The following CAP2 variants were observed in gnomAD, a reference collection of about 807,000 sequenced individuals.
The protein encoded by CAP2 is cyclase associated actin cytoskeleton regulatory protein 2.
Under a neutral mutation model 57.7 loss-of-function variants are expected in CAP2, and 24 were observed. The ratio of observed to expected loss-of-function variants is 0.42; its 90% confidence interval spans 0.30 to 0.58. The LOEUF is 0.58. CAP2 is among the 20% of genes least tolerant of loss of function. The pLI is 0.22. For synonymous variants in CAP2, 194 were observed against 207.2 expected, an observed-to-expected ratio of 0.94 and a Z score of 0.55; for missense variants, 501 against 590.3, an observed-to-expected ratio of 0.85 and a Z score of 1.57.
chr6:17,440,614 G>GGTGT (rs55662495), intron 3 of CAP2, among the ~76,000 whole-genome samples: 22,294 of 141,516 alleles, frequency 0.16, 2,025 homozygotes, highest in Admixed American at 0.23. Flanking sequence ...AACTGTGTGT[G>GGTGT]GTGTGTGTGT....
rs532491575 is a variant in CAP2 at position 17,499,297 on chromosome 6, G to A, written c.301-7872G>A. ...GCCTGTAATCCCAGCAACTCAGGAG[G>A]CTGAGGCAGGAGAATCGCTTGAACC... On this transcript the variant is annotated intron_variant, in intron 4 of 12. Coordinates refer to ENST00000229922, the MANE Select transcript of CAP2 (RefSeq NM_006366.3). Among the ~76,000 whole-genome samples the A allele has an allele frequency of 3.3e-5, 5 of 149,794 alleles. No homozygotes were observed. The South Asian group carries it at 1.1e-3, about 32-fold the overall frequency.
chr6:17,512,388 C>A, intron 6 of CAP2, among the ~76,000 whole-genome samples: 2 of 151,228 alleles, frequency 1.3e-5, no homozygotes, highest in Non-Finnish European at 1.5e-5. Context: ...AGAGCAAGAC[C>A]CTGTCTCTAA....
At chr6:17,475,672 G>A (rs953513903) in intron 4 of CAP2, among the ~76,000 whole-genome samples, 2 of 152,358 alleles carry the variant, frequency 1.3e-5, no homozygotes, top group South Asian at 2.1e-4. Context: ...CACATGGGCT[G>A]TGGAGATCCA....
At chr6:17,448,048 C>T (rs573050009) in intron 3 of CAP2, among the ~76,000 whole-genome samples, 1 of 152,326 alleles carries the variant, frequency 6.6e-6, no homozygotes, top group African/African-American at 2.4e-5. Flanking sequence ...TGGCTTAGTC[C>T]TCTGGAATAT....
At chr6:17,534,529 A>G (rs1371736874) in intron 7 of CAP2, among the ~76,000 whole-genome samples, 2 of 152,186 alleles carry the variant, frequency 1.3e-5, no homozygotes, top group East Asian at 1.9e-4. Flanking sequence ...GGCACCGCCT[A>G]CACAAGGTTT....
At chr6:17,397,207 G>A (rs13208026) in intron 1 of CAP2, among the ~76,000 whole-genome samples, 153 of 151,582 alleles carry the variant, frequency 1.0e-3, no homozygotes, top group African/African-American at 3.4e-3. Flanking sequence ...TTACAGACGC[G>A]GGCCACCATG....
chr6:17,476,897 A>C (rs1761162151), intron 4 of CAP2, among the ~76,000 whole-genome samples: 1 of 116,970 alleles, frequency 8.5e-6, no homozygotes, highest in East Asian at 2.5e-4. Flanking sequence ...TTTGAGATGG[A>C]ATCTCGCTCT....
At chr6:17,411,917 T>C (rs1372805216) in intron 1 of CAP2, among the ~76,000 whole-genome samples, 2 of 152,148 alleles carry the variant, frequency 1.3e-5, no homozygotes, top group Admixed American at 6.5e-5. Context: ...CTCAACTGCA[T>C]AGGTGCTTAG....
At chr6:17,471,680 A>C (rs1004454027) in intron 4 of CAP2, among the ~76,000 whole-genome samples, 3 of 151,924 alleles carry the variant, frequency 2.0e-5, no homozygotes, top group African/African-American at 7.3e-5. Flanking sequence ...AAATACAAAA[A>C]TTTAGCCAGG....
chr6:17,425,274 T>C (rs1759559662), intron 2 of CAP2, among the ~76,000 whole-genome samples: 1 of 152,138 alleles, frequency 6.6e-6, no homozygotes, highest in South Asian at 2.1e-4. Context: ...TTTTTTTCTG[T>C]TAATTAAAAG....
At chr6:17,478,076 G>T (rs916706175) in intron 4 of CAP2, among the ~76,000 whole-genome samples, 4 of 148,980 alleles carry the variant, frequency 2.7e-5, no homozygotes, top group African/African-American at 9.8e-5. Flanking sequence ...TGTTGCTTGG[G>T]TCATAAACAT....
rs892404136 is a variant in CAP2, at chr6:17,513,377, T to C, written c.531-472T>C. On this transcript the variant is annotated intron_variant, in intron 6 of 12. Coordinates refer to ENST00000229922, the MANE Select transcript of CAP2 (RefSeq NM_006366.3). The surrounding 1 kb of genome is among the most constrained non-coding windows in gnomAD (Gnocchi z 4.3). ...CTAAAATTCTCCAATTTGGTTATAC[T>C]TTTAACCAAATAATTCAACAGAATT... Among the ~76,000 whole-genome samples the C allele has an allele frequency of 3.9e-5, 6 of 152,236 alleles. No individual in the cohort carries two copies. The highest frequency in any genetic ancestry group is 7.3e-5 in the Non-Finnish European group (5 of 68,038).
intron 3 of CAP2, among the ~76,000 whole-genome samples, chr6:17,433,186 A>T (rs1437062815): frequency 6.6e-6 from 1 of 152,182 alleles, no homozygotes; most frequent in East Asian, 1.9e-4. Context: ...CACCATTGTA[A>T]AAAGCATCTT....
chr6:17,498,037 T>G (rs1056104460), intron 4 of CAP2, among the ~76,000 whole-genome samples: 1 of 152,208 alleles, frequency 6.6e-6, no homozygotes, highest in Non-Finnish European at 1.5e-5. Flanking sequence ...ACATAACCTA[T>G]CCTTCGGAAA....
intron 3 of CAP2, among the ~76,000 whole-genome samples, chr6:17,447,309 C>T (rs890318811): frequency 1.3e-5 from 2 of 152,238 alleles, no homozygotes; most frequent in South Asian, 4.2e-4. Flanking sequence ...TTTGAGCCAT[C>T]GTGACTGGCC....
intron 1 of CAP2, among the ~76,000 whole-genome samples, chr6:17,415,981 T>G (rs1335293198): frequency 6.6e-6 from 1 of 151,928 alleles, no homozygotes; most frequent in Non-Finnish European, 1.5e-5. Context: ...GTGCTGCTAG[T>G]TTCCAAAAAT....
chr6:17,417,544 G>C (rs1759316644), intron 1 of CAP2, among the ~76,000 whole-genome samples: 1 of 152,116 alleles, frequency 6.6e-6, no homozygotes, highest in Middle Eastern at 3.2e-3. Flanking sequence ...CAAAGTGCTA[G>C]GATTACAGGC....
chr6:17,461,021 C>T (rs866469304), intron 3 of CAP2, among the ~76,000 whole-genome samples: 21 of 152,008 alleles, frequency 1.4e-4, no homozygotes, highest in South Asian at 6.2e-4. Flanking sequence ...TGGTGGTGTG[C>T]GCCTGTGGCC....
chr6:17,437,040 G>C (rs1463448289), intron 3 of CAP2, among the ~76,000 whole-genome samples: 1 of 152,134 alleles, frequency 6.6e-6, no homozygotes. Context: ...ACCCCCAGAT[G>C]GGACTGTCTA....
Sources: gnomAD v4.1 joint callset for allele counts (sites outside exome capture counted in the v4.1 genomes callset) on GRCh38, gnomAD v4.1.1 for gene constraint, Gnocchi (gnomAD v3.1) non-coding constraint, MANE v1.5 for transcripts, NCBI Gene and HGNC (gene_info 2026-07-23, HGNC 2026-07-21) for gene names.